LRRC28: variants seen among roughly 807,000 people sequenced by gnomAD.
The protein encoded by LRRC28 is leucine-rich repeat-containing protein 28.
In LRRC28, 39 loss-of-function variants were observed where a neutral mutation model predicts 45.7. The observed-to-expected ratio is 0.85, with a 90% CI of 0.66 to 1.12. The LOEUF is 1.12. LRRC28 is among the 50% of genes most tolerant of loss of function. The pLI is 0.00. For missense variants in LRRC28, 435 were observed against 438.5 expected, an observed-to-expected ratio of 0.99 and a Z score of 0.07; for synonymous variants, 206 against 178.8, an observed-to-expected ratio of 1.15 and a Z score of -1.22.
chr15:99,341,227 AT>A (rs991321188), intron 6 of LRRC28, among the ~76,000 whole-genome samples: 1 of 151,268 alleles, frequency 6.6e-6, no homozygotes, highest in African/African-American at 2.4e-5. Flanking sequence ...AGTAGCTGGG[AT>A]TATAGGCGCA....
intron 5 of LRRC28, among the ~76,000 whole-genome samples, chr15:99,301,443 C>T (rs985303570): frequency 6.6e-6 from 1 of 152,112 alleles, no homozygotes; most frequent in Non-Finnish European, 1.5e-5. Context: ...TGTGAAATTG[C>T]ATTTGAACTT....
intron 6 of LRRC28, among the ~76,000 whole-genome samples, chr15:99,344,269 G>A (rs184265525): frequency 3.7e-4 from 56 of 152,324 alleles, no homozygotes; most frequent in Non-Finnish European, 7.1e-4. Flanking sequence ...ACTGGAGGAA[G>A]CAGGCTCAGA....
intron 9 of LRRC28, among the ~76,000 whole-genome samples, chr15:99,373,502 C>T (rs1332039778): frequency 2.6e-5 from 4 of 152,138 alleles, no homozygotes; most frequent in African/African-American, 9.7e-5. Context: ...CACATTCCCT[C>T]AAGCATTTAT....
intron 5 of LRRC28, chr15:99,326,467 A>T (rs993638529): frequency 6.6e-6 from 1 of 152,244 alleles, no homozygotes; most frequent in African/African-American, 2.4e-5. Flanking sequence ...AGCAAGCAAG[A>T]GCCAAGTAAA....
intron 6 of LRRC28, among the ~76,000 whole-genome samples, chr15:99,347,613 CT>C (rs1956736375): frequency 6.6e-6 from 1 of 152,270 alleles, no homozygotes; most frequent in East Asian, 1.9e-4. Context: ...ATAAATCTTT[CT>C]TTTTTAAGGC....
intron 3 of LRRC28, among the ~76,000 whole-genome samples, chr15:99,280,277 G>A (rs1283854807): frequency 1.3e-5 from 2 of 151,836 alleles, no homozygotes; most frequent in Non-Finnish European, 2.9e-5. Context: ...TTCTTTTGCA[G>A]AGCAAAAGTT....
intron 5 of LRRC28, among the ~76,000 whole-genome samples, chr15:99,328,267 C>A (rs866780826): frequency 2.0e-5 from 3 of 152,148 alleles, no homozygotes; most frequent in African/African-American, 2.4e-5. Flanking sequence ...AATGTGAGAA[C>A]CCCAAATGTT....
At chr15:99,329,249 G>A (rs1003147476) in intron 5 of LRRC28, among the ~76,000 whole-genome samples, 10 of 152,204 alleles carry the variant, frequency 6.6e-5, no homozygotes, top group Admixed American at 3.3e-4. Context: ...TCACTTAATT[G>A]TAATGGTAAA....
In LRRC28 at chr15:99,333,122, G is replaced by A. The variant is rs575781713; in HGVS notation, c.386-801G>A. 5.9e-5 allele frequency among the ~76,000 whole-genome samples: 9 copies of A among 152,292 alleles called. 1 individual carries two copies. In the South Asian group the frequency reaches 1.9e-3, roughly 32 times the overall value. ...GTAAATGTCCTTCCCCTAAAATGGT[G>A]ATTTTCCCTGAGAAGGACTAAGTTC... On this transcript the variant is annotated intron_variant, in intron 5 of 9. Coordinates refer to ENST00000301981, the MANE Select transcript of LRRC28 (RefSeq NM_144598.5).
At chr15:99,311,989 G>C (rs928493466) in intron 5 of LRRC28, among the ~76,000 whole-genome samples, 10 of 152,132 alleles carry the variant, frequency 6.6e-5, no homozygotes, top group African/African-American at 2.4e-4. Context: ...GAAATATATT[G>C]TGATTAATGA....
intron 2 of LRRC28, among the ~76,000 whole-genome samples, chr15:99,268,639 C>T (rs965179387): frequency 2.0e-5 from 3 of 152,128 alleles, no homozygotes; most frequent in Admixed American, 6.5e-5. Context: ...CACTTGTACA[C>T]GGATCTTGGA....
intron 5 of LRRC28, among the ~76,000 whole-genome samples, chr15:99,314,469 ATAAT>A (rs1955524345): frequency 7.4e-6 from 1 of 135,474 alleles, no homozygotes; most frequent in African/African-American, 2.9e-5. Flanking sequence ...AAATAAATAA[ATAAT>A]TTTGTAAAGA....
intron 9 of LRRC28, among the ~76,000 whole-genome samples, chr15:99,378,731 T>A (rs1957722377): frequency 6.6e-6 from 1 of 152,198 alleles, no homozygotes; most frequent in Non-Finnish European, 1.5e-5. Context: ...CCTAATTTAT[T>A]TAGAGTTTTT....
intron 9 of LRRC28, among the ~76,000 whole-genome samples, chr15:99,365,663 T>C (rs1421389484): frequency 6.6e-6 from 1 of 152,254 alleles, no homozygotes; most frequent in Non-Finnish European, 1.5e-5. Flanking sequence ...TTGCATTGCT[T>C]GTCATAAAAT....
intron 5 of LRRC28, among the ~76,000 whole-genome samples, chr15:99,305,808 C>T (rs919680214): frequency 6.6e-6 from 1 of 152,168 alleles, no homozygotes; most frequent in African/African-American, 2.4e-5. Flanking sequence ...TGTTTCTCCA[C>T]TCAAATCTCC....
Position 99,366,097 on chromosome 15 carries a change from G to A in LRRC28, c.1031+2832G>A, listed in dbSNP as rs79458540. Among the ~76,000 whole-genome samples the A allele has an allele frequency of 9.2e-5, 14 of 152,308 alleles. No individual in the cohort carries two copies. In the East Asian group the frequency reaches 2.5e-3, roughly 27 times the overall value. Reference sequence around the variant, plus strand: ...TTTTTCAGGGGCATTGGGTTAGTTTGCCAGGGATGCTGCAACAAAGTGCTG... The same window carrying A: ...TTTTTCAGGGGCATTGGGTTAGTTTACCAGGGATGCTGCAACAAAGTGCTG... On this transcript the variant is annotated intron_variant, in intron 9 of 9. Coordinates refer to ENST00000301981, the MANE Select transcript of LRRC28 (RefSeq NM_144598.5).
intron 3 of LRRC28, among the ~76,000 whole-genome samples, chr15:99,282,000 C>T (rs941347678): frequency 4.0e-5 from 6 of 151,866 alleles, no homozygotes; most frequent in African/African-American, 1.5e-4. Flanking sequence ...TTATATTGCT[C>T]AGGCTGGTCT....
chr15:99,291,201 C>T (rs1313322814), intron 5 of LRRC28, among the ~76,000 whole-genome samples: 1 of 152,146 alleles, frequency 6.6e-6, no homozygotes, highest in Non-Finnish European at 1.5e-5. Context: ...TCACCTGTTA[C>T]ACAAGAAATT....
At chr15:99,297,519 C>T (rs1046814410) in intron 5 of LRRC28, among the ~76,000 whole-genome samples, 2 of 151,224 alleles carry the variant, frequency 1.3e-5, no homozygotes, top group African/African-American at 2.4e-5. Flanking sequence ...GTGCTTTGGC[C>T]TGCCTAAATG....
Sources: allele counts gnomAD v4.1 joint callset (sites outside exome capture counted in the v4.1 genomes callset), GRCh38; gene constraint gnomAD v4.1.1; transcripts MANE v1.5; gene names NCBI Gene and HGNC (gene_info 2026-07-23, HGNC 2026-07-21).